Variants in AGBL1 observed in about 807,000 individuals in gnomAD.
The protein encoded by AGBL1 is AGBL carboxypeptidase 1, also known as cytosolic carboxypeptidase 4.
In AGBL1, 130 loss-of-function variants were observed where a neutral mutation model predicts 118.9. That is an observed-to-expected ratio of 1.09 (90% CI 0.95 to 1.26). The LOEUF (loss-of-function observed/expected upper bound fraction) is 1.26. Among genes scored for constraint, AGBL1 ranks in the 50% most tolerant of loss-of-function variants. AGBL1 has a pLI of 0.00. For missense variants in AGBL1, 1,584 were observed against 1,298.1 expected (o/e 1.22, Z -3.38); for synonymous variants, 555 against 478.9 (o/e 1.16, Z -2.08).
chr15:86,948,769 C>A (rs1163687021), intron 23 of AGBL1, among the ~76,000 whole-genome samples: 3 of 152,168 alleles, frequency 2.0e-5, no homozygotes, highest in Non-Finnish European at 4.4e-5. Context: ...AAACATGTAG[C>A]ATGAGGAAGA....
intron 18 of AGBL1, among the ~76,000 whole-genome samples, chr15:86,513,293 A>G (rs1194034139): frequency 6.6e-6 from 1 of 151,880 alleles, no homozygotes; most frequent in African/African-American, 2.4e-5. Context: ...TGAGTTATAT[A>G]TAGAATATCC....
At chr15:86,697,001 C>T (rs978955993) in intron 22 of AGBL1, among the ~76,000 whole-genome samples, 9 of 151,728 alleles carry the variant, frequency 5.9e-5, no homozygotes, top group African/African-American at 9.7e-5. Flanking sequence ...AATAGGTTAC[C>T]TTTTGCTTTT....
chr15:86,697,182 C>T (rs550063828), intron 22 of AGBL1, among the ~76,000 whole-genome samples: 1 of 152,026 alleles, frequency 6.6e-6, no homozygotes, highest in South Asian at 2.1e-4. Flanking sequence ...ATTATTTCCC[C>T]TAAATATGTT....
intron 17 of AGBL1, among the ~76,000 whole-genome samples, chr15:86,363,424 T>A (rs1451841639): frequency 1.3e-5 from 2 of 152,142 alleles, no homozygotes; most frequent in East Asian, 1.9e-4. Context: ...GATCTCTTCC[T>A]TGTCAAAACA....
chr15:86,877,044 T>A (rs1239240044), intron 22 of AGBL1, among the ~76,000 whole-genome samples: 3 of 152,186 alleles, frequency 2.0e-5, no homozygotes, highest in African/African-American at 7.2e-5. Context: ...TGCCCACTCA[T>A]CTCACTCACT....
intron 23 of AGBL1, among the ~76,000 whole-genome samples, chr15:86,931,349 G>A (rs928055692): frequency 6.6e-6 from 1 of 152,152 alleles, no homozygotes; most frequent in South Asian, 2.1e-4. Flanking sequence ...CTATCAGAGA[G>A]GTCAGGTCTT....
chr15:86,824,581 C>T (rs987429150), intron 22 of AGBL1, among the ~76,000 whole-genome samples: 3 of 151,326 alleles, frequency 2.0e-5, no homozygotes, highest in Non-Finnish European at 2.9e-5. Flanking sequence ...ATGAACACAG[C>T]TTATTCTAAA....
intron 22 of AGBL1, among the ~76,000 whole-genome samples, chr15:86,712,364 C>CT (rs11411325): frequency 0.31 from 45,776 of 145,944 alleles, 6,891 homozygotes; most frequent in Admixed American, 0.37. Context: ...ACGATGTGTA[C>CT]TTTTTTTTTT....
chr15:86,439,074 A>T (rs1347104355), intron 18 of AGBL1, among the ~76,000 whole-genome samples: 1 of 152,100 alleles, frequency 6.6e-6, no homozygotes, highest in Non-Finnish European at 1.5e-5. Flanking sequence ...CAGGTAGGGA[A>T]TGCTGATGGG....
At chr15:86,674,175 A>G in intron 21 of AGBL1, 98 bp from the exon 22 acceptor site, 1 of 1,140,138 alleles carries the variant, frequency 8.8e-7, no homozygotes, top group Admixed American at 2.3e-5. Context: ...ACTGTCTGAA[A>G]AATGCCTGTG....
intron 5 of AGBL1, among the ~76,000 whole-genome samples, chr15:86,176,489 C>G (rs1016079837): frequency 1.3e-5 from 2 of 152,202 alleles, no homozygotes; most frequent in Non-Finnish European, 2.9e-5. Context: ...TCCCTTTGTC[C>G]TGGAGAAAGC....
At chr15:86,812,167 A>T (rs1413243406) in intron 22 of AGBL1, among the ~76,000 whole-genome samples, 1 of 152,166 alleles carries the variant, frequency 6.6e-6, no homozygotes, top group Non-Finnish European at 1.5e-5. Flanking sequence ...TTTATTTTTC[A>T]TATTTTCCTG....
At chr15:86,742,336 C>A (rs1164831649) in intron 22 of AGBL1, among the ~76,000 whole-genome samples, 1 of 152,128 alleles carries the variant, frequency 6.6e-6, no homozygotes, top group Admixed American at 6.6e-5. Flanking sequence ...AAACAATGCC[C>A]TCTGCTTTTG....
intron 23 of AGBL1, among the ~76,000 whole-genome samples, chr15:86,959,119 C>T (rs1177121661): frequency 6.6e-6 from 1 of 151,908 alleles, no homozygotes; most frequent in Admixed American, 6.6e-5. Flanking sequence ...GTACTTAAGT[C>T]GTTAATAACA....
In AGBL1 at chr15:86,751,599, G is replaced by A. The variant is rs543355282; in HGVS notation, c.3158+77163G>A. Among the ~76,000 whole-genome samples the A allele has an allele frequency of 3.3e-5, 5 of 152,234 alleles. No individual in the cohort carries two copies. In the East Asian group the frequency reaches 9.7e-4, roughly 30 times the overall value. ...CAACAGAGCATTTTATATATTGTTA[G>A]ATATTGCTAAATTACCCTCCAAGTC... On this transcript the variant is annotated intron_variant, in intron 22 of 22. Transcript: ENST00000614907.
chr15:86,762,051 A>G (rs548929224), intron 22 of AGBL1, among the ~76,000 whole-genome samples: 3 of 152,212 alleles, frequency 2.0e-5, no homozygotes, highest in Admixed American at 6.6e-5. Flanking sequence ...AAAAGGAATG[A>G]GATTATGTCA....
At chr15:86,535,809 T>C (rs2083418307) in intron 19 of AGBL1, among the ~76,000 whole-genome samples, 1 of 152,250 alleles carries the variant, frequency 6.6e-6, no homozygotes. Flanking sequence ...CGTATTCCTT[T>C]CTATAACCCT....
chr15:86,677,554 C>T (rs1341960281), intron 22 of AGBL1, among the ~76,000 whole-genome samples: 2 of 152,126 alleles, frequency 1.3e-5, no homozygotes, highest in African/African-American at 2.4e-5. Context: ...CTGTTCGTCT[C>T]GATTTGTATC....
At chr15:86,341,548 A>G in intron 17 of AGBL1, among the ~76,000 whole-genome samples, 1 of 152,178 alleles carries the variant, frequency 6.6e-6, no homozygotes, top group Non-Finnish European at 1.5e-5. Flanking sequence ...TACATCTACT[A>G]TATATTCCCA....
Sources: gnomAD v4.1 joint callset for allele counts (sites outside exome capture counted in the v4.1 genomes callset) on GRCh38, gnomAD v4.1.1 for gene constraint, MANE v1.5 for transcripts, NCBI Gene and HGNC (gene_info 2026-07-23, HGNC 2026-07-21) for gene names.